ANO10: variants seen among roughly 807,000 people sequenced by gnomAD.
ANO10 encodes the protein anoctamin-10.
A neutral mutation model predicts 74.7 loss-of-function variants in ANO10; 77 were observed. The ratio of observed to expected loss-of-function variants is 1.03; its 90% CI spans 0.86 to 1.25. The LOEUF (loss-of-function observed/expected upper bound fraction) is 1.25. Ranked by LOEUF, ANO10 falls within the 50% of genes most tolerant of loss-of-function variation. The pLI, the probability that ANO10 is intolerant of heterozygous loss-of-function variation, is 0.00. For missense variants in ANO10, 721 were observed against 778.1 expected (o/e 0.93, Z 0.87); for synonymous variants, 279 against 284.9 (o/e 0.98, Z 0.21).
chr3:43,485,188 T>G, intron 11 of ANO10: 1 of 707,128 alleles, frequency 1.4e-6, no homozygotes, highest in Admixed American at 2.0e-5. Context: ...GCGCCTGCGG[T>G]GGTCAGGTAC....
intron 1 of ANO10, chr3:43,691,311 T>G: frequency 3.3e-6 from 1 of 307,242 alleles, no homozygotes. Context: ...GCGCGGAGGG[T>G]CCGCCCCGTT....
At chr3:43,604,865 C>A (rs1038590083) in intron 2 of ANO10, among the ~76,000 whole-genome samples, 2 of 152,060 alleles carry the variant, frequency 1.3e-5, no homozygotes, top group Non-Finnish European at 2.9e-5. Context: ...GCAAATACTC[C>A]TGCTTTTAAG....
In ANO10 at chr3:43,566,099, C is replaced by T. The variant is rs960087650; in HGVS notation, c.1219-372G>A. 5.9e-5 allele frequency among the ~76,000 whole-genome samples: 9 copies of T among 152,316 alleles called. No homozygotes were observed. The East Asian group carries it at 7.7e-4, about 13-fold the overall frequency. The stretch of plus-strand genomic sequence containing the variant: ...GGACGGCACCTGGAAAATCGGGTCA[C>T]TCCCACCAGAATACTGCGCTTTTCC... On this transcript the variant is annotated intron_variant, in intron 7 of 12. Transcript: ENST00000292246.
chr3:43,595,997 G>C (rs192916193), intron 4 of ANO10, among the ~76,000 whole-genome samples: 48 of 152,246 alleles, frequency 3.2e-4, no homozygotes, highest in Admixed American at 9.8e-4. Flanking sequence ...AATCATGAGT[G>C]AACTCCCATT....
chr3:43,379,031 A>G (rs779339377), intron 12 of ANO10, among the ~76,000 whole-genome samples: 5 of 152,174 alleles, frequency 3.3e-5, no homozygotes, highest in Non-Finnish European at 7.3e-5. Flanking sequence ...TGTAACCAAT[A>G]CTGATCACTA....
chr3:43,528,700 CAT>C (rs2078319938), intron 11 of ANO10, among the ~76,000 whole-genome samples: 1 of 152,080 alleles, frequency 6.6e-6, no homozygotes, highest in Non-Finnish European at 1.5e-5. Context: ...GAAGATCCAA[CAT>C]ATAGCTGGAG....
chr3:43,476,188 C>T (rs928744479), intron 11 of ANO10, among the ~76,000 whole-genome samples: 3 of 151,814 alleles, frequency 2.0e-5, no homozygotes, highest in Non-Finnish European at 1.5e-5. Flanking sequence ...TCTACTTTCC[C>T]CCTAAAATTA....
At chr3:43,593,517 T>C (rs1051716677) in intron 4 of ANO10, among the ~76,000 whole-genome samples, 3 of 152,166 alleles carry the variant, frequency 2.0e-5, no homozygotes, top group Non-Finnish European at 2.9e-5. Flanking sequence ...CTAAGCTTCA[T>C]AAGTGAAGGA....
At chr3:43,388,181 CCT>C (rs1351909798) in intron 12 of ANO10, among the ~76,000 whole-genome samples, 4 of 152,214 alleles carry the variant, frequency 2.6e-5, no homozygotes, top group Non-Finnish European at 4.4e-5. Flanking sequence ...ACTAACAACC[CCT>C]GTGTACAGCC....
chr3:43,485,779 C>T (rs751883992), intron 11 of ANO10: 13 of 248,024 alleles, frequency 5.2e-5, no homozygotes, highest in South Asian at 1.7e-4. Context: ...AATGATTAGG[C>T]GCAAAGATTT....
At chr3:43,604,187 C>T (rs771983864) in intron 2 of ANO10, among the ~76,000 whole-genome samples, 6 of 151,484 alleles carry the variant, frequency 4.0e-5, no homozygotes, top group Admixed American at 3.3e-4. Flanking sequence ...AGTTAGCATA[C>T]CCATCATCTC....
chr3:43,441,921 G>A (rs1284038768), intron 11 of ANO10, among the ~76,000 whole-genome samples: 2 of 151,966 alleles, frequency 1.3e-5, no homozygotes, highest in Non-Finnish European at 2.9e-5. Flanking sequence ...TTCAATTGAT[G>A]CAAAAAAAGT....
intron 1 of ANO10, among the ~76,000 whole-genome samples, chr3:43,615,632 A>G (rs2083059650): frequency 2.6e-5 from 4 of 151,854 alleles, no homozygotes; most frequent in African/African-American, 9.7e-5. Context: ...TTTCATATAT[A>G]TATGTGTATA....
intron 9 of ANO10, among the ~76,000 whole-genome samples, chr3:43,560,999 C>T (rs2080004557): frequency 6.6e-6 from 1 of 152,148 alleles, no homozygotes; most frequent in Non-Finnish European, 1.5e-5. Flanking sequence ...CCAAATTTGC[C>T]CTTTGGTGTC....
intron 12 of ANO10, among the ~76,000 whole-genome samples, chr3:43,369,725 C>A (rs539712637): frequency 6.6e-6 from 1 of 152,278 alleles, no homozygotes; most frequent in East Asian, 1.9e-4. Flanking sequence ...TTGCCTGTGC[C>A]CACAATCCCC....
intron 12 of ANO10, among the ~76,000 whole-genome samples, chr3:43,370,737 T>C (rs2091579918): frequency 6.6e-6 from 1 of 152,242 alleles, no homozygotes; most frequent in African/African-American, 2.4e-5. Flanking sequence ...AAAACACCCA[T>C]GCTCCAAATT....
rs755557453 is a variant in ANO10, at chr3:43,555,314, T to C, written c.1632A>G (p.Pro544=). Residue 544 remains proline, a synonymous_variant, in exon 10 of 13, where the codon CCA becomes CCG. Coordinates refer to ENST00000292246, the MANE Select transcript of ANO10 (RefSeq NM_018075.5). ...CAATATTGGCTGAAGGTTCTGAGAA[T>C]GGACGTTTGAAGACCCTGCACATTT... is the stretch of plus-strand genomic sequence containing the variant. ...ALKMCRVFKR[P]FSEPSANIGV... is the part of the protein sequence containing the mutation. 6.2e-7 allele frequency: 1 copy of C among 1,614,184 alleles called. No individual in the cohort carries two copies. Among genetic ancestry groups the C allele is most frequent in the Non-Finnish European group, 8.5e-7 (1 of 1,180,026 alleles).
intron 1 of ANO10, among the ~76,000 whole-genome samples, chr3:43,628,767 C>T (rs1294192227): frequency 6.6e-6 from 1 of 152,090 alleles, no homozygotes; most frequent in Non-Finnish European, 1.5e-5. Context: ...GAAATAGACC[C>T]CAGTCTCCCA....
intron 11 of ANO10, among the ~76,000 whole-genome samples, chr3:43,518,843 T>C (rs2077824227): frequency 6.6e-6 from 1 of 152,178 alleles, no homozygotes; most frequent in Non-Finnish European, 1.5e-5. Flanking sequence ...TGATAATGCG[T>C]GTCCAGTGGG....
Sources: gnomAD v4.1 joint callset for allele counts (sites outside exome capture counted in the v4.1 genomes callset) on GRCh38, gnomAD v4.1.1 for gene constraint, MANE v1.5 for transcripts, NCBI Gene and HGNC (gene_info 2026-07-23, HGNC 2026-07-21) for gene names.